Variants in WDSUB1 observed in about 807,000 individuals in gnomAD.
The protein encoded by WDSUB1 is WD repeat, sterile alpha motif and U-box domain containing 1.
A neutral mutation model predicts 53.9 loss-of-function variants in WDSUB1; 49 were observed. That is an observed-to-expected ratio of 0.91 (90% confidence interval 0.72 to 1.15). WDSUB1 has a LOEUF of 1.15. Among genes scored for constraint, WDSUB1 ranks in the 50% most tolerant of loss-of-function variants. WDSUB1 has a pLI of 0.00. For synonymous variants in WDSUB1, 194 were observed against 200.6 expected, an observed-to-expected ratio of 0.97 and a Z score of 0.28; for missense variants, 514 against 562.0, an observed-to-expected ratio of 0.91 and a Z score of 0.86.
chr2:159,247,922 T>A (rs868236845), intron 10 of WDSUB1, among the ~76,000 whole-genome samples: 11 of 74,998 alleles, frequency 1.5e-4, no homozygotes, highest in South Asian at 1.0e-3. Flanking sequence ...TATATATATA[T>A]ATATAAATAT....
At chr2:159,250,575 G>A (rs2151074481) in intron 9 of WDSUB1, among the ~76,000 whole-genome samples, 1 of 152,286 alleles carries the variant, frequency 6.6e-6, no homozygotes, top group East Asian at 1.9e-4. Flanking sequence ...AGTTTATCGA[G>A]TCCACCTCTT....
intron 10 of WDSUB1, among the ~76,000 whole-genome samples, chr2:159,247,563 A>C (rs1029643499): frequency 6.6e-6 from 1 of 152,114 alleles, no homozygotes; most frequent in African/African-American, 2.4e-5. Context: ...CCTAGAAAAT[A>C]ACACATCTAA....
At chr2:159,273,385 G>T (rs1383400385) in intron 4 of WDSUB1, among the ~76,000 whole-genome samples, 1 of 151,850 alleles carries the variant, frequency 6.6e-6, no homozygotes, top group Non-Finnish European at 1.5e-5. Flanking sequence ...AAATAATAAG[G>T]TACAAATGGT....
At chr2:159,279,971 T>G (rs756138625) in intron 2 of WDSUB1, 26 bp from the exon 3 acceptor site, 20 of 1,586,424 alleles carry the variant, frequency 1.3e-5, no homozygotes, top group African/African-American at 2.7e-5. Flanking sequence ...AAAGTGGGTT[T>G]TCATTTCAGA....
chr2:159,241,774 A>G (rs1351969814), intron 10 of WDSUB1, among the ~76,000 whole-genome samples: 2 of 133,846 alleles, frequency 1.5e-5, no homozygotes, highest in African/African-American at 6.2e-5. Flanking sequence ...GTGCAGTGGC[A>G]TGATCTCGGC....
In WDSUB1 at chr2:159,282,696, T is replaced by G. The variant is rs1157072512; in HGVS notation, c.374A>C (p.Asn125Thr). 1 of 1,613,450 alleles carries G rather than the reference T, an allele frequency of 6.2e-7. No homozygotes were observed. The highest frequency in any genetic ancestry group is 2.2e-5 in the East Asian group (1 of 44,844). Residue 125 changes from asparagine to threonine, a missense_variant, in exon 2 of 11, where the codon AAT (asparagine) becomes ACT (threonine). By Grantham distance (65) the Asn-to-Thr change is moderately conservative. Transcript: ENST00000359774. ...CCTATATAATTTGTATGACTGTGCA[T>G]TCCACAAAACCACAGTTCCATCAGC... ...GAADGTVVLW[N>T]AQSYKLYRCG...
chr2:159,279,177 A>C (rs1477775059), intron 3 of WDSUB1, among the ~76,000 whole-genome samples: 2 of 152,126 alleles, frequency 1.3e-5, no homozygotes, highest in African/African-American at 4.8e-5. Flanking sequence ...AAGCTACAGA[A>C]CTCCCATCCA....
intron 1 of WDSUB1, 61 bp from the exon 2 acceptor site, chr2:159,283,154 T>C (rs2061710690): frequency 6.9e-7 from 1 of 1,449,908 alleles, no homozygotes; most frequent in Admixed American, 2.1e-5. Flanking sequence ...GCAATTTGAG[T>C]CTATATAAAA....
At chr2:159,263,161 C>T (rs1375332257) in intron 5 of WDSUB1, among the ~76,000 whole-genome samples, 1 of 152,164 alleles carries the variant, frequency 6.6e-6, no homozygotes, top group Non-Finnish European at 1.5e-5. Context: ...CCTCGAGATC[C>T]GTGACATCGC....
intron 10 of WDSUB1, 54 bp from the exon 11 acceptor site, chr2:159,236,244 G>A: frequency 6.5e-7 from 1 of 1,533,510 alleles, no homozygotes. Context: ...AAATGAGGAT[G>A]TCTAAAATGA....
At chr2:159,285,969 T>TG (rs1415386360) in intron 1 of WDSUB1, among the ~76,000 whole-genome samples, 3 of 152,112 alleles carry the variant, frequency 2.0e-5, no homozygotes, top group African/African-American at 7.2e-5. Context: ...CCCAGCCCTC[T>TG]GCCGCACTCA....
At chr2:159,255,684 A>G (rs1349752714) in intron 9 of WDSUB1, among the ~76,000 whole-genome samples, 2 of 152,154 alleles carry the variant, frequency 1.3e-5, no homozygotes, top group Non-Finnish European at 2.9e-5. Flanking sequence ...ATACTTTAAA[A>G]TGGTTTTCTA....
intron 9 of WDSUB1, among the ~76,000 whole-genome samples, chr2:159,250,485 AG>A (rs1416126684): frequency 5.3e-5 from 8 of 152,342 alleles, no homozygotes; most frequent in African/African-American, 1.9e-4. Flanking sequence ...TAGTTAGGGA[AG>A]TACCTCTAAA....
At chr2:159,282,247 C>T (rs1200963106) in intron 2 of WDSUB1, among the ~76,000 whole-genome samples, 1 of 151,754 alleles carries the variant, frequency 6.6e-6, no homozygotes, top group Non-Finnish European at 1.5e-5. Context: ...GGCTGGAGTA[C>T]AGTGGTGTGA....
At chr2:159,240,456 C>T (rs2060615039) in intron 10 of WDSUB1, among the ~76,000 whole-genome samples, 1 of 152,172 alleles carries the variant, frequency 6.6e-6, no homozygotes, top group Admixed American at 6.6e-5. Flanking sequence ...CATGAAGGTT[C>T]CATTTTCTGC....
intron 10 of WDSUB1, among the ~76,000 whole-genome samples, chr2:159,246,914 T>C (rs1459814722): frequency 1.3e-5 from 2 of 152,334 alleles, no homozygotes; most frequent in East Asian, 3.9e-4. Context: ...GATTGGTATC[T>C]GCCTCATGGA....
intron 4 of WDSUB1, among the ~76,000 whole-genome samples, chr2:159,273,212 T>C (rs2151132533): frequency 6.6e-6 from 1 of 152,292 alleles, no homozygotes; most frequent in Non-Finnish European, 1.5e-5. Flanking sequence ...AAGGCTTTAA[T>C]TCTAACTGGG....
chr2:159,248,377 G>A lies in WDSUB1; in HGVS notation c.1268C>T (p.Ala423Val). ...TAGTATAGCATCACACATACCTGAT[G>A]CGATGACCGGATCTTTCATAAGTTC... is the stretch of plus-strand genomic sequence containing the variant. The part of the protein sequence containing the change: ...TRELMKDPVI[A>V]SDGYSYEKEA... The change falls in exon 10 of 11, where the codon GCA (alanine) becomes GTA (valine). Residue 423 changes from alanine to valine, a missense_variant. Ala to Val is a moderately conservative substitution (Grantham distance 64, BLOSUM62 0). Coordinates refer to ENST00000359774, the MANE Select transcript of WDSUB1 (RefSeq NM_001128212.3). The A allele has an allele frequency of 6.2e-7, 1 of 1,611,590 alleles. No individual in the cohort carries two copies. Among genetic ancestry groups the A allele is most frequent in the Non-Finnish European group, 8.5e-7 (1 of 1,179,162 alleles).
rs1477978623 is a variant in WDSUB1, at chr2:159,260,804, A to G, written c.771-961T>C. 3.3e-5 allele frequency among the ~76,000 whole-genome samples: 5 copies of G among 152,216 alleles called. No individual in the cohort carries two copies. In the East Asian group the frequency reaches 9.6e-4, roughly 29 times the overall value. ...AAACAGGCTTTTATGCCAGAACAAT[A>G]TACACTACAAGGTGAAAAAACATCT... On this transcript the variant is annotated intron_variant, in intron 5 of 10. Coordinates refer to ENST00000359774, the MANE Select transcript of WDSUB1 (RefSeq NM_001128212.3).
Sources: gnomAD v4.1 joint callset for allele counts (sites outside exome capture counted in the v4.1 genomes callset) on GRCh38, gnomAD v4.1.1 for gene constraint, MANE v1.5 for transcripts, NCBI Gene and HGNC (gene_info 2026-07-23, HGNC 2026-07-21) for gene names.